SHOC2: variants seen among roughly 807,000 people sequenced by gnomAD.
The protein encoded by SHOC2 is SHOC2 leucine rich repeat scaffold protein, also known as leucine-rich repeat protein SHOC-2.
In SHOC2, 4 loss-of-function variants were observed where a neutral mutation model predicts 50.2. The observed-to-expected ratio is 0.08, with a 90% CI of 0.04 to 0.18. SHOC2 has a LOEUF of 0.18. SHOC2 is among the 10% of genes least tolerant of loss of function. SHOC2 has a pLI of 1.00. For synonymous variants in SHOC2, 218 were observed against 244.5 expected (o/e 0.89, Z 1.01); for missense variants, 388 against 669.6 (o/e 0.58, Z 4.64).
chr10:110,990,875 C>T (rs1848174133), intron 3 of SHOC2, among the ~76,000 whole-genome samples: 1 of 152,152 alleles, frequency 6.6e-6, no homozygotes, highest in Admixed American at 6.5e-5. Flanking sequence ...TTATCCCTCT[C>T]ATTGATGTTT....
chr10:110,950,072 A>ACC (rs1286826319), intron 1 of SHOC2, among the ~76,000 whole-genome samples: 1 of 152,188 alleles, frequency 6.6e-6, no homozygotes, highest in Non-Finnish European at 1.5e-5. Context: ...TGAAAAAGAG[A>ACC]TAAAAGATGT....
At chr10:110,920,329 A>C (rs1355825092) in intron 1 of SHOC2, among the ~76,000 whole-genome samples, 1 of 152,052 alleles carries the variant, frequency 6.6e-6, no homozygotes, top group Admixed American at 6.5e-5. Flanking sequence ...GTGATAGCAC[A>C]GCTTTTAGGG....
At chr10:110,999,685 C>T (rs1462994940) in intron 3 of SHOC2, among the ~76,000 whole-genome samples, 3 of 117,426 alleles carry the variant, frequency 2.6e-5, no homozygotes, top group African/African-American at 1.0e-4. Context: ...TGCAGTGAGT[C>T]AAGATTATGC....
intron 1 of SHOC2, among the ~76,000 whole-genome samples, chr10:110,944,384 C>A (rs1412613426): frequency 1.9e-3 from 262 of 135,754 alleles, no homozygotes; most frequent in Middle Eastern, 3.9e-3. Context: ...ATCTTTGAGC[C>A]AAAAAAAAAA....
In SHOC2 at chr10:110,937,246, C is replaced by G. The variant is rs761271224; in HGVS notation, c.-235+17589C>G. The G allele has an allele frequency of 4.0e-6, 4 of 1,000,768 alleles. No homozygotes were observed. In the South Asian group the frequency reaches 5.4e-5, roughly 13 times the overall value. 62.0% of individuals were successfully genotyped at this position (1,000,768 alleles called of 1,614,324 possible). A position where few individuals can be genotyped will look rare whatever the true frequency, so the allele number is the denominator to read the frequency against. On this transcript the variant is annotated intron_variant, in intron 1 of 8. Transcript: ENST00000369452. ...GCACCTCTGCCATCTTCGGCTGCCC[C>G]TTGGGAAAGCTGCTTTTTTTTTTTT... is the stretch of plus-strand genomic sequence containing the variant.
chr10:110,974,482 A>G (rs1847839882), intron 2 of SHOC2, among the ~76,000 whole-genome samples: 1 of 152,128 alleles, frequency 6.6e-6, no homozygotes, highest in African/African-American at 2.4e-5. Flanking sequence ...TGCATTGTAT[A>G]CCTTTTTCTA....
At chr10:110,974,667 GT>G (rs1306108692) in intron 2 of SHOC2, among the ~76,000 whole-genome samples, 2 of 151,292 alleles carry the variant, frequency 1.3e-5, no homozygotes, top group Admixed American at 6.6e-5. Flanking sequence ...TCTTTGTGGC[GT>G]TTTTTTTAGT....
chr10:110,945,410 C>G (rs1847228215), intron 1 of SHOC2, among the ~76,000 whole-genome samples: 1 of 152,118 alleles, frequency 6.6e-6, no homozygotes, highest in Non-Finnish European at 1.5e-5. Context: ...ATCTGGAGAG[C>G]AAGGGATGGG....
At chr10:110,931,951 A>G (rs1846903768) in intron 1 of SHOC2, among the ~76,000 whole-genome samples, 1 of 152,214 alleles carries the variant, frequency 6.6e-6, no homozygotes, top group Admixed American at 6.5e-5. Context: ...AAGTCTAATA[A>G]TAGCATGATA....
intron 2 of SHOC2, among the ~76,000 whole-genome samples, chr10:110,974,702 A>G (rs987798020): frequency 2.6e-5 from 4 of 152,044 alleles, no homozygotes; most frequent in Non-Finnish European, 5.9e-5. Context: ...TTTACAATAC[A>G]TTATCAGAAC....
chr10:110,991,079 C>T (rs966731473), intron 3 of SHOC2, among the ~76,000 whole-genome samples: 14 of 152,134 alleles, frequency 9.2e-5, no homozygotes, highest in Non-Finnish European at 1.6e-4. Context: ...GATTTTCATT[C>T]GGCCTTCTTC....
At chr10:110,936,242 G>A (rs757894316) in intron 1 of SHOC2, among the ~76,000 whole-genome samples, 8 of 151,352 alleles carry the variant, frequency 5.3e-5, no homozygotes, top group African/African-American at 1.7e-4. Flanking sequence ...GATTACAGGC[G>A]CCCTCCACCC....
chr10:110,999,793 T>C (rs1239636604), intron 3 of SHOC2, among the ~76,000 whole-genome samples: 1 of 151,466 alleles, frequency 6.6e-6, no homozygotes, highest in Non-Finnish European at 1.5e-5. Flanking sequence ...CTTCTGTTTA[T>C]TTATTCGATA....
intron 1 of SHOC2, among the ~76,000 whole-genome samples, chr10:110,942,328 A>C (rs543758124): frequency 6.6e-6 from 1 of 152,280 alleles, no homozygotes; most frequent in East Asian, 1.9e-4. Context: ...TATCACTGGC[A>C]ACAAATATTC....
At chr10:110,976,134 TTC>T (rs377503476) in intron 2 of SHOC2, among the ~76,000 whole-genome samples, 248 of 152,146 alleles carry the variant, frequency 1.6e-3, no homozygotes, top group African/African-American at 5.8e-3. Context: ...TGGTCTCAAA[TTC>T]TGTCCTCAGG....
At chr10:110,963,475 G>GC (rs1315245620) in intron 1 of SHOC2, among the ~76,000 whole-genome samples, 1 of 152,012 alleles carries the variant, frequency 6.6e-6, no homozygotes, top group Admixed American at 6.6e-5. Context: ...GAACTGTGCT[G>GC]TTTTTCATAC....
At chr10:110,949,297 A>G (rs1330954723) in intron 1 of SHOC2, among the ~76,000 whole-genome samples, 1 of 152,182 alleles carries the variant, frequency 6.6e-6, no homozygotes, top group Non-Finnish European at 1.5e-5. Context: ...TGAGATAATA[A>G]GAGACTACAA....
chr10:110,999,480 G>A (rs999108237), intron 3 of SHOC2, among the ~76,000 whole-genome samples: 7 of 152,124 alleles, frequency 4.6e-5, no homozygotes, highest in Non-Finnish European at 1.0e-4. Flanking sequence ...GCTCACGTCT[G>A]TAATCCCAGC....
At chr10:110,932,493 A>G (rs190048658) in intron 1 of SHOC2, among the ~76,000 whole-genome samples, 94 of 152,304 alleles carry the variant, frequency 6.2e-4, no homozygotes, top group African/African-American at 2.2e-3. Flanking sequence ...GTGAGAATGA[A>G]GAGAAGCCAA....
Sources: allele counts gnomAD v4.1 joint callset (sites outside exome capture counted in the v4.1 genomes callset), GRCh38; gene constraint gnomAD v4.1.1; transcripts MANE v1.5; gene names NCBI Gene and HGNC (gene_info 2026-07-23, HGNC 2026-07-21).